SYNE1: variants seen among roughly 807,000 people sequenced by gnomAD.
SYNE1 encodes spectrin repeat containing nuclear envelope protein 1, also known as nesprin-1.
In SYNE1, 616 loss-of-function variants were observed where a neutral mutation model predicts 1,111.0. That is an observed-to-expected ratio of 0.55 (90% CI 0.52 to 0.59). SYNE1 has a LOEUF of 0.59. Ranked by LOEUF, SYNE1 falls within the 20% of genes least tolerant of loss-of-function variation. SYNE1 has a pLI of 0.00. For synonymous variants in SYNE1, 3,855 were observed against 3,825.8 expected, an observed-to-expected ratio of 1.01 and a Z score of -0.28; for missense variants, 10,006 against 10,417.0, an observed-to-expected ratio of 0.96 and a Z score of 1.72.
intron 87 of SYNE1, chr6:152,316,640 T>C: frequency 1.7e-6 from 1 of 598,522 alleles, no homozygotes; most frequent in Non-Finnish European, 2.9e-6. Flanking sequence ...TTAGGGAAGA[T>C]CAAGGATATT....
At chr6:152,369,269 G>A (rs1182469399) in intron 60 of SYNE1, 142 bp from the exon 61 acceptor site, 9 of 1,337,476 alleles carry the variant, frequency 6.7e-6, no homozygotes, top group South Asian at 6.3e-5. Flanking sequence ...TCTACACACC[G>A]TGGAGCACAA....
At chr6:152,188,240 G>T (rs1251759693) in intron 128 of SYNE1, among the ~76,000 whole-genome samples, 4 of 152,078 alleles carry the variant, frequency 2.6e-5, no homozygotes, top group Non-Finnish European at 5.9e-5. Context: ...GGGCACTCGG[G>T]GTATAGAAGT....
At chr6:152,384,081 T>C (rs1286404045) in intron 55 of SYNE1, among the ~76,000 whole-genome samples, 1 of 152,240 alleles carries the variant, frequency 6.6e-6, no homozygotes, top group African/African-American at 2.4e-5. Context: ...ACAGGTTTTA[T>C]GTGTATGATC....
At chr6:152,365,869 G>A (rs745440630) in intron 62 of SYNE1, among the ~76,000 whole-genome samples, 2 of 152,166 alleles carry the variant, frequency 1.3e-5, no homozygotes, top group Non-Finnish European at 2.9e-5. Context: ...CTCAGCTTCA[G>A]CCACCCATTG....
intron 126 of SYNE1, among the ~76,000 whole-genome samples, chr6:152,205,199 C>A (rs769045583): frequency 2.0e-5 from 3 of 151,484 alleles, no homozygotes; most frequent in Non-Finnish European, 2.9e-5. Context: ...TACCTTTGAT[C>A]CAAACATGTG....
intron 4 of SYNE1, among the ~76,000 whole-genome samples, chr6:152,528,223 CA>C (rs1362280813): frequency 6.6e-6 from 1 of 152,116 alleles, no homozygotes; most frequent in Non-Finnish European, 1.5e-5. Context: ...CTCTTAAATC[CA>C]GGTAAGCGAC....
chr6:152,391,584 A>AAAAAAAG lies in SYNE1; in HGVS notation c.7713-17_7713-16insCTTTTTT, dbSNP rs984192740. ...AAGAGACTCTCTGAAAAAAAGGAAA[A>AAAAAAAG]AAAAAAAAAAGAAAAAAAATTAATT... On this transcript the variant is annotated splice_polypyrimidine_tract_variant and intron_variant, in intron 51 of 145. Transcript: ENST00000367255. 26 of 1,562,592 alleles carry AAAAAAAG rather than the reference A, an allele frequency of 1.7e-5. No individual in the cohort carries two copies. Among genetic ancestry groups the AAAAAAAG allele is most frequent in the Middle Eastern group, 1.9e-4 (1 of 5,158 alleles).
Position 152,574,342 on chromosome 6 carries a change from A to G in SYNE1, c.68-34321T>C, listed in dbSNP as rs145200303. 2.8e-3 allele frequency among the ~76,000 whole-genome samples: 420 copies of G among 152,056 alleles called. 2 individuals are homozygous for G. Among genetic ancestry groups the G allele is most frequent in the African/African-American group, 9.2e-3 (383 of 41,418 alleles). On this transcript the variant is annotated intron_variant, in intron 3 of 145. Transcript: ENST00000367255. ...TAGATGAGATCTGGAGAGTTGCCTCAGAAACGTGTCTGCACCTCTGCAAAG... is the reference window on the plus strand; with the variant it reads ...TAGATGAGATCTGGAGAGTTGCCTCGGAAACGTGTCTGCACCTCTGCAAAG...
intron 33 of SYNE1, 66 bp downstream of exon 33, chr6:152,435,875 G>A: frequency 6.3e-7 from 1 of 1,575,870 alleles, no homozygotes; most frequent in Non-Finnish European, 8.7e-7. Flanking sequence ...TTGAATACAA[G>A]GTACAGGAAA....
intron 66 of SYNE1, among the ~76,000 whole-genome samples, chr6:152,356,565 T>C (rs1188939176): frequency 2.7e-5 from 4 of 149,636 alleles, no homozygotes; most frequent in African/African-American, 9.8e-5. Flanking sequence ...ATAAACTATA[T>C]ATATGTTCTA....
chr6:152,156,066 G>A lies in SYNE1; in HGVS notation c.23822C>T (p.Thr7941Ile), dbSNP rs886042787. 2.5e-6 allele frequency: 4 copies of A among 1,614,200 alleles called. No homozygotes were observed. The highest frequency in any genetic ancestry group is 1.3e-5 in the African/African-American group (1 of 75,050). Residue 7941 changes from threonine to isoleucine, a missense_variant, in exon 132 of 146, where the codon ACA becomes ATA. Coordinates refer to ENST00000367255, the MANE Select transcript of SYNE1 (RefSeq NM_182961.4). ...ELQRDIEKHS[T>I]GVASVLNLCE... Reference sequence around the variant, plus strand: ...CAGGTTGAGGACAGATGCAACACCTGTACTGTGCTTCTCTATGTCTCTCTG... The same window carrying A: ...CAGGTTGAGGACAGATGCAACACCTATACTGTGCTTCTCTATGTCTCTCTG...
intron 31 of SYNE1, 30 bp from the exon 32 acceptor site, chr6:152,441,300 GT>G: frequency 6.3e-7 from 1 of 1,589,110 alleles, no homozygotes; most frequent in Non-Finnish European, 8.6e-7. Context: ...CAACAAATGG[GT>G]TACAAATGTC....
At chr6:152,410,099 A>T (rs2097996394) in intron 42 of SYNE1, among the ~76,000 whole-genome samples, 1 of 152,224 alleles carries the variant, frequency 6.6e-6, no homozygotes, top group African/African-American at 2.4e-5. Context: ...GTTGTGTGAA[A>T]GAAAACAACA....
chr6:152,223,297 C>T (rs1024694860), intron 117 of SYNE1, among the ~76,000 whole-genome samples: 2 of 152,110 alleles, frequency 1.3e-5, no homozygotes, highest in African/African-American at 2.4e-5. Context: ...TGTCCTTCCT[C>T]TCTTCCACCC....
rs549500643 is a variant in SYNE1 at position 152,135,314 on chromosome 6, T to C, written c.25660-82A>G. 6 of 1,475,456 alleles carry C rather than the reference T, an allele frequency of 4.1e-6. No individual in the cohort carries two copies. The South Asian group carries it at 6.0e-5, about 15-fold the overall frequency. The allele number at this position is 1,475,456 out of a possible 1,614,324, so 91.4% of individuals were successfully genotyped here. A position where few individuals can be genotyped will look rare whatever the true frequency, so the allele number is the denominator to read the frequency against. On this transcript the variant is annotated intron_variant, in intron 141 of 145. Coordinates refer to ENST00000367255, the MANE Select transcript of SYNE1 (RefSeq NM_182961.4). ...TTAAATGTCTTTCAACTGCCACCAT[T>C]AGCAAACATACTTGGTTTTAAGAAC... is the stretch of plus-strand genomic sequence containing the variant.
chr6:152,387,299 GATCCACTGATTCC>G lies in SYNE1; in HGVS notation c.8247_8259del (p.Met2749IlefsTer4). Reference sequence around the variant, plus strand: ...GGTTGTAAGGGATGTTCTATTTTTTGATCCACTGATTCCATCCACTGCTCCAACTGGTTTTTCC... The same window carrying G: ...GGTTGTAAGGGATGTTCTATTTTTTGATCCACTGCTCCAACTGGTTTTTCC... On this transcript the variant is annotated frameshift_variant, in exon 54 of 146. Transcript: ENST00000367255. LOFTEE classifies it high-confidence loss of function. The G allele has an allele frequency of 1.2e-6, 2 of 1,614,130 alleles. No homozygotes were observed. The highest frequency in any genetic ancestry group is 1.7e-6 in the Non-Finnish European group (2 of 1,180,034).
intron 3 of SYNE1, among the ~76,000 whole-genome samples, chr6:152,595,721 C>T (rs1372958096): frequency 1.3e-5 from 2 of 152,030 alleles, no homozygotes; most frequent in African/African-American, 4.8e-5. Context: ...CTACATCTGC[C>T]CCTAGTGGGA....
In SYNE1 at chr6:152,390,423, T is replaced by G. The variant is rs1477042059; in HGVS notation, c.8034A>C (p.Glu2678Asp). The G allele has an allele frequency of 1.2e-6, 2 of 1,614,066 alleles. No homozygotes were observed. Among genetic ancestry groups the G allele is most frequent in the South Asian group, 2.2e-5 (2 of 91,082 alleles). ...QDILLMKGEG[E>D]VKLNMAIGKG... The stretch of plus-strand genomic sequence containing the variant: ...TGCCAATGGCCATATTCAACTTAAC[T>G]TCCCCTTCACCTTTCATCAGGAGAA... Residue 2678 changes from glutamate (E) to aspartate (D), a missense_variant, in exon 53 of 146, where the codon GAA (glutamate) becomes GAC (aspartate). Physicochemically the swap from Glu to Asp is conservative, Grantham distance 45. Transcript: ENST00000367255.
intron 3 of SYNE1, among the ~76,000 whole-genome samples, chr6:152,590,737 A>C (rs1583032490): frequency 6.6e-6 from 1 of 152,166 alleles, no homozygotes; most frequent in African/African-American, 2.4e-5. Flanking sequence ...TCCATTGCTT[A>C]TGCTAGTTCT....
Sources: gnomAD v4.1 joint callset for allele counts (sites outside exome capture counted in the v4.1 genomes callset) on GRCh38, gnomAD v4.1.1 for gene constraint, MANE v1.5 for transcripts, NCBI Gene and HGNC (gene_info 2026-07-23, HGNC 2026-07-21) for gene names.